ZNF385D: variants seen among roughly 807,000 people sequenced by gnomAD.
The protein encoded by ZNF385D is zinc finger protein 659.
In ZNF385D, 15 loss-of-function variants were observed where a neutral mutation model predicts 35.8. That is an observed-to-expected ratio of 0.42 (90% CI 0.28 to 0.64). The LOEUF (loss-of-function observed/expected upper bound fraction) is 0.64. ZNF385D is among the 30% of genes least tolerant of loss of function. ZNF385D has a pLI of 0.23. For missense variants in ZNF385D, 474 were observed against 494.6 expected (o/e 0.96, Z 0.39); for synonymous variants, 212 against 186.8 (o/e 1.13, Z -1.10).
chr3:21,885,754 G>GTGTGTGTC (rs1456652827), intron 3 of ZNF385D, among the ~76,000 whole-genome samples: 1 of 142,694 alleles, frequency 7.0e-6, no homozygotes, highest in East Asian at 2.1e-4. Context: ...GTGTGTGTGT[G>GTGTGTGTC]TGTGTGTGTG....
intron 1 of ZNF385D, among the ~76,000 whole-genome samples, chr3:21,743,479 A>T (rs1053938750): frequency 6.6e-6 from 1 of 152,210 alleles, no homozygotes; most frequent in Non-Finnish European, 1.5e-5. Context: ...AACAACTGAC[A>T]TTTATTTCTC....
At chr3:22,152,367 A>G (rs1312997418) in intron 3 of ZNF385D, among the ~76,000 whole-genome samples, 5 of 152,158 alleles carry the variant, frequency 3.3e-5, no homozygotes, top group African/African-American at 1.2e-4. Context: ...TTAGTCTCCT[A>G]TCATTGCTAG....
chr3:21,642,134 G>C (rs1307564494), intron 2 of ZNF385D, among the ~76,000 whole-genome samples: 1 of 152,064 alleles, frequency 6.6e-6, no homozygotes. Flanking sequence ...GCCTTAACCA[G>C]TGTTTTGCGC....
At chr3:21,476,726 G>A (rs955677160) in intron 4 of ZNF385D, among the ~76,000 whole-genome samples, 31 of 151,844 alleles carry the variant, frequency 2.0e-4, no homozygotes, top group Admixed American at 8.6e-4. Flanking sequence ...CTCTTCTATT[G>A]AAGAAGATAT....
intron 2 of ZNF385D, among the ~76,000 whole-genome samples, chr3:22,353,104 G>A (rs73140301): frequency 0.023 from 3,570 of 152,260 alleles, 129 homozygotes; most frequent in African/African-American, 0.082. Context: ...AGGAAGCTGC[G>A]TTTGTTACAT....
intron 3 of ZNF385D, among the ~76,000 whole-genome samples, chr3:22,057,430 A>T (rs569069141): frequency 7.2e-5 from 11 of 152,206 alleles, no homozygotes; most frequent in African/African-American, 2.7e-4. Context: ...TGCTTTTACT[A>T]TATCAACTGA....
At chr3:22,292,826 T>C (rs1286163700) in intron 2 of ZNF385D, among the ~76,000 whole-genome samples, 1 of 152,128 alleles carries the variant, frequency 6.6e-6, no homozygotes, top group Non-Finnish European at 1.5e-5. Flanking sequence ...GGCAAAATTC[T>C]ATAGTGACAG....
chr3:21,457,929 C>G (rs549528611), intron 4 of ZNF385D, among the ~76,000 whole-genome samples: 2 of 152,190 alleles, frequency 1.3e-5, no homozygotes, highest in Non-Finnish European at 2.9e-5. Context: ...GGAATTATAT[C>G]AAGGCATTAT....
chr3:21,763,371 C>T (rs1023505580), intron 3 of ZNF385D, among the ~76,000 whole-genome samples: 3 of 151,772 alleles, frequency 2.0e-5, no homozygotes, highest in Non-Finnish European at 2.9e-5. Context: ...GTCATTACTT[C>T]GAAAAGAAAA....
At chr3:21,578,684 T>G (rs1480500357) in intron 2 of ZNF385D, among the ~76,000 whole-genome samples, 2 of 152,176 alleles carry the variant, frequency 1.3e-5, no homozygotes, top group Non-Finnish European at 2.9e-5. Context: ...TCTGTTCCAT[T>G]GGTTGATACG....
chr3:21,523,771 ATT>A (rs11302631), intron 3 of ZNF385D, among the ~76,000 whole-genome samples: 54 of 149,086 alleles, frequency 3.6e-4, no homozygotes, highest in Admixed American at 4.7e-4. Context: ...GGCTGTGCAA[ATT>A]TTTTTTTTTT....
At chr3:22,166,127 A>G (rs1453266162) in intron 3 of ZNF385D, among the ~76,000 whole-genome samples, 2 of 152,224 alleles carry the variant, frequency 1.3e-5, no homozygotes, top group East Asian at 3.9e-4. Flanking sequence ...GACCAAACCA[A>G]TATGACCTAA....
chr3:22,020,476 G>C (rs1296116786), intron 3 of ZNF385D, among the ~76,000 whole-genome samples: 1 of 151,828 alleles, frequency 6.6e-6, no homozygotes, highest in Non-Finnish European at 1.5e-5. Flanking sequence ...AAACACAGCA[G>C]TTAGCATTTT....
intron 2 of ZNF385D, among the ~76,000 whole-genome samples, chr3:22,183,176 T>C (rs992565186): frequency 1.3e-5 from 2 of 152,112 alleles, no homozygotes; most frequent in African/African-American, 4.8e-5. Context: ...AATAGTTAAG[T>C]TTACATATAG....
intron 2 of ZNF385D, among the ~76,000 whole-genome samples, chr3:21,616,426 G>A (rs1335651499): frequency 6.6e-6 from 1 of 152,112 alleles, no homozygotes; most frequent in African/African-American, 2.4e-5. Context: ...ATACCCTTCA[G>A]TACCTTCCAT....
chr3:21,776,083 G>C (rs2071276414), intron 3 of ZNF385D, among the ~76,000 whole-genome samples: 1 of 151,402 alleles, frequency 6.6e-6, no homozygotes, highest in Non-Finnish European at 1.5e-5. Flanking sequence ...AAAATCTTCT[G>C]TCATTAAAAT....
intron 3 of ZNF385D, among the ~76,000 whole-genome samples, chr3:22,113,757 G>T (rs539794118): frequency 6.6e-6 from 1 of 151,998 alleles, no homozygotes; most frequent in African/African-American, 2.4e-5. Context: ...AGGCCAAGGC[G>T]GGTGAATCAC....
chr3:22,231,661 C>A (rs780907684), intron 2 of ZNF385D, among the ~76,000 whole-genome samples: 4 of 152,020 alleles, frequency 2.6e-5, no homozygotes, highest in Admixed American at 2.6e-4. Context: ...TCCATACCTA[C>A]TGGGGCAAAA....
intron 3 of ZNF385D, among the ~76,000 whole-genome samples, chr3:21,976,881 G>C (rs1703659182): frequency 6.6e-6 from 1 of 152,112 alleles, no homozygotes; most frequent in South Asian, 2.1e-4. Context: ...CCAGCTACTT[G>C]GGAGGCTGAG....
Sources: allele counts gnomAD v4.1 joint callset (sites outside exome capture counted in the v4.1 genomes callset), GRCh38; gene constraint gnomAD v4.1.1; transcripts MANE v1.5; gene names NCBI Gene and HGNC (gene_info 2026-07-23, HGNC 2026-07-21).